The following RAB28 variants were observed in gnomAD, a reference collection of about 807,000 sequenced individuals.
RAB28 encodes the protein RAB28, member RAS oncogene family.
A neutral mutation model predicts 31.7 loss-of-function variants in RAB28; 24 were observed. The ratio of observed to expected loss-of-function variants is 0.76; its 90% CI spans 0.55 to 1.06. The LOEUF is 1.06. Ranked by LOEUF, RAB28 falls within the 50% of genes least tolerant of loss-of-function variation. The probability of loss-of-function intolerance (pLI) is 0.00; values close to 1 mark genes in which losing one functional copy is unlikely to be tolerated. For missense variants in RAB28, 254 were observed against 258.5 expected (o/e 0.98, Z 0.12); for synonymous variants, 100 against 90.4 (o/e 1.11, Z -0.60).
intron 1 of RAB28, among the ~76,000 whole-genome samples, chr4:13,480,886 C>T (rs1272309732): frequency 6.6e-6 from 1 of 151,896 alleles, no homozygotes; most frequent in African/African-American, 2.4e-5. Context: ...CTCATCTACA[C>T]TATATTATTC....
chr4:13,400,570 T>C (rs1405966361), intron 4 of RAB28, among the ~76,000 whole-genome samples: 1 of 152,162 alleles, frequency 6.6e-6, no homozygotes, highest in African/African-American at 2.4e-5. Flanking sequence ...TGCAGTTTTA[T>C]AATAGCTAGG....
At chr4:13,414,733 G>A (rs1474601924) in intron 4 of RAB28, among the ~76,000 whole-genome samples, 1 of 152,072 alleles carries the variant, frequency 6.6e-6, no homozygotes, top group Non-Finnish European at 1.5e-5. Flanking sequence ...AAGAAAATAT[G>A]CTGTGACAAA....
At chr4:13,418,883 A>T (rs1362678493) in intron 4 of RAB28, among the ~76,000 whole-genome samples, 3 of 152,230 alleles carry the variant, frequency 2.0e-5, no homozygotes, top group African/African-American at 7.2e-5. Context: ...TAATGACAGG[A>T]TCAAATTCAC....
chr4:13,425,176 G>A (rs1348126931), intron 4 of RAB28, among the ~76,000 whole-genome samples: 3 of 152,136 alleles, frequency 2.0e-5, no homozygotes, highest in Admixed American at 2.0e-4. Context: ...GGATTCCAGA[G>A]TTACACACTC....
intron 4 of RAB28, among the ~76,000 whole-genome samples, chr4:13,449,100 G>A (rs981778865): frequency 2.0e-5 from 3 of 151,822 alleles, no homozygotes; most frequent in African/African-American, 7.2e-5. Context: ...TCAAATCCCC[G>A]AAAAAGTTTC....
At chr4:13,405,499 G>A (rs12507148) in intron 4 of RAB28, among the ~76,000 whole-genome samples, 3,295 of 152,218 alleles carry the variant, frequency 0.022, 263 homozygotes, top group Admixed American at 0.15. Flanking sequence ...AGTCCTAATT[G>A]AAACTCATAA....
intron 2 of RAB28, among the ~76,000 whole-genome samples, chr4:13,475,037 AT>A (rs929497436): frequency 2.0e-5 from 3 of 151,656 alleles, no homozygotes; most frequent in African/African-American, 7.2e-5. Flanking sequence ...GATACATACC[AT>A]GTATATCACT....
intron 4 of RAB28, among the ~76,000 whole-genome samples, chr4:13,393,006 T>G (rs1000075958): frequency 6.6e-6 from 1 of 152,200 alleles, no homozygotes; most frequent in Non-Finnish European, 1.5e-5. Context: ...ATATACTCAA[T>G]AAGTATTAGC....
intron 4 of RAB28, among the ~76,000 whole-genome samples, chr4:13,447,618 A>T (rs181820681): frequency 5.1e-4 from 77 of 152,288 alleles, no homozygotes; most frequent in African/African-American, 1.6e-3. Context: ...AATTTTTTTT[A>T]AAAAAGCGAT....
intron 1 of RAB28, among the ~76,000 whole-genome samples, chr4:13,480,716 G>A (rs774532165): frequency 1.3e-5 from 2 of 151,898 alleles, no homozygotes; most frequent in Non-Finnish European, 3.0e-5. Context: ...AAATTTCGAA[G>A]ATAATTGGCC....
intron 5 of RAB28, among the ~76,000 whole-genome samples, chr4:13,376,866 C>A (rs1019343184): frequency 6.6e-6 from 1 of 152,088 alleles, no homozygotes; most frequent in Non-Finnish European, 1.5e-5. Flanking sequence ...TCTAAACACA[C>A]ACATGAAAGA....
intron 4 of RAB28, among the ~76,000 whole-genome samples, chr4:13,401,463 T>C (rs1333591264): frequency 6.6e-6 from 1 of 152,060 alleles, no homozygotes; most frequent in Non-Finnish European, 1.5e-5. Flanking sequence ...CACTATGGCA[T>C]GTGTAAAACT....
chr4:13,398,101 C>A (rs899171975), intron 4 of RAB28, among the ~76,000 whole-genome samples: 6 of 152,146 alleles, frequency 3.9e-5, no homozygotes, highest in African/African-American at 1.2e-4. Context: ...TATTTCTCCT[C>A]TTGCCTCAGG....
At chr4:13,472,797 T>C (rs1716177343) in intron 3 of RAB28, among the ~76,000 whole-genome samples, 1 of 151,268 alleles carries the variant, frequency 6.6e-6, no homozygotes, top group Admixed American at 6.6e-5. Context: ...GTCTCTAGCT[T>C]AGTATCCACT....
intron 4 of RAB28, among the ~76,000 whole-genome samples, chr4:13,434,791 G>A (rs1017689478): frequency 1.3e-5 from 2 of 152,002 alleles, no homozygotes; most frequent in Admixed American, 6.6e-5. Context: ...GGCCAAGCTG[G>A]GCAGATCATT....
intron 4 of RAB28, among the ~76,000 whole-genome samples, chr4:13,406,300 C>A (rs1387139068): frequency 6.6e-6 from 1 of 152,144 alleles, no homozygotes; most frequent in Non-Finnish European, 1.5e-5. Context: ...TGGTTTCCAG[C>A]TTCATCCATG....
intron 4 of RAB28, among the ~76,000 whole-genome samples, chr4:13,444,929 T>C (rs918386384): frequency 6.6e-6 from 1 of 152,200 alleles, no homozygotes; most frequent in Non-Finnish European, 1.5e-5. Context: ...TCGGCCTGTC[T>C]TGCTAGGTGG....
chr4:13,408,589 T>G (rs1205978037), intron 4 of RAB28, among the ~76,000 whole-genome samples: 1 of 152,104 alleles, frequency 6.6e-6, no homozygotes, highest in Non-Finnish European at 1.5e-5. Flanking sequence ...ACAGAGCTTT[T>G]TAAAACTCTG....
At chr4:13,406,248 A>C (rs917973029) in intron 4 of RAB28, among the ~76,000 whole-genome samples, 15 of 152,150 alleles carry the variant, frequency 9.9e-5, no homozygotes, top group African/African-American at 3.6e-4. Flanking sequence ...GAGAACATGC[A>C]GTGTTTGGTT....
Sources: gnomAD v4.1 joint callset for allele counts (sites outside exome capture counted in the v4.1 genomes callset) on GRCh38, gnomAD v4.1.1 for gene constraint, MANE v1.5 for transcripts, NCBI Gene and HGNC (gene_info 2026-07-23, HGNC 2026-07-21) for gene names.